Variants in SRPK2 observed in about 807,000 individuals in gnomAD.
SRPK2 encodes SRSF protein kinase 2, also known as SFRS protein kinase 2.
A neutral mutation model predicts 90.8 loss-of-function variants in SRPK2; 21 were observed. The ratio of observed to expected loss-of-function variants is 0.23; its 90% confidence interval spans 0.16 to 0.33. The LOEUF (loss-of-function observed/expected upper bound fraction) is 0.33, where lower values mean the gene tolerates loss of function less well. Ranked by LOEUF, SRPK2 falls within the 10% of genes least tolerant of loss-of-function variation. The pLI is 1.00. For synonymous variants in SRPK2, 288 were observed against 311.1 expected (o/e 0.93, Z 0.78); for missense variants, 620 against 869.0 (o/e 0.71, Z 3.60).
intron 3 of SRPK2, among the ~76,000 whole-genome samples, chr7:105,196,791 T>C (rs1794967957): frequency 6.6e-6 from 1 of 152,198 alleles, no homozygotes; most frequent in South Asian, 2.1e-4. Context: ...GGCTCACACC[T>C]GTAATCCCTG....
intron 3 of SRPK2, among the ~76,000 whole-genome samples, chr7:105,198,916 T>C (rs184453570): frequency 4.5e-4 from 68 of 152,318 alleles, no homozygotes; most frequent in Non-Finnish European, 7.4e-4. Flanking sequence ...CAGTCAATAA[T>C]GCCATAATCC....
downstream of SRPK2, chr7:105,115,340 T>C (rs1011177719): frequency 6.6e-6 from 1 of 152,200 alleles, no homozygotes; most frequent in African/African-American, 2.4e-5. Flanking sequence ...AGTTAGTAAA[T>C]CGGTTTTCAC....
chr7:105,384,671 C>A (rs1022893485), intron 2 of SRPK2, among the ~76,000 whole-genome samples: 5 of 152,126 alleles, frequency 3.3e-5, no homozygotes, highest in Non-Finnish European at 7.4e-5. Context: ...GAATTCTGAT[C>A]CAAACGAAGC....
chr7:105,245,861 G>A (rs139369514), intron 2 of SRPK2, among the ~76,000 whole-genome samples: 2 of 152,116 alleles, frequency 1.3e-5, no homozygotes, highest in Non-Finnish European at 2.9e-5. Flanking sequence ...CACAACTACA[G>A]GCACACATCA....
At chr7:105,321,174 A>G (rs1484670331) in intron 2 of SRPK2, among the ~76,000 whole-genome samples, 1 of 152,146 alleles carries the variant, frequency 6.6e-6, no homozygotes, top group Non-Finnish European at 1.5e-5. Flanking sequence ...AAACAGATAT[A>G]CACATGCACA....
At chr7:105,285,389 A>C (rs1396067361) in intron 2 of SRPK2, among the ~76,000 whole-genome samples, 2 of 28,064 alleles carry the variant, frequency 7.1e-5, no homozygotes, top group Admixed American at 7.5e-4. Flanking sequence ...CGTCTCCAAA[A>C]AAAAAAAAAA....
intron 15 of SRPK2, among the ~76,000 whole-genome samples, chr7:105,118,800 A>G (rs1009003259): frequency 6.6e-6 from 1 of 151,824 alleles, no homozygotes; most frequent in Non-Finnish European, 1.5e-5. Flanking sequence ...CATCCCAGCT[A>G]CTCAGGAGGC....
intron 2 of SRPK2, among the ~76,000 whole-genome samples, chr7:105,298,443 G>A (rs549651249): frequency 2.3e-4 from 35 of 152,264 alleles, no homozygotes; most frequent in African/African-American, 7.9e-4. Flanking sequence ...GCTGCTACAA[G>A]CAGTTACATA....
chr7:105,368,642 A>C (rs1819348752), intron 2 of SRPK2, among the ~76,000 whole-genome samples: 2 of 152,036 alleles, frequency 1.3e-5, no homozygotes, highest in Admixed American at 1.3e-4. Context: ...CCCAGCACTT[A>C]AGGAGGCCAG....
chr7:105,240,142 T>C (rs947762525), intron 2 of SRPK2, among the ~76,000 whole-genome samples: 7 of 152,168 alleles, frequency 4.6e-5, no homozygotes, highest in Admixed American at 1.3e-4. Flanking sequence ...GACAGACTGA[T>C]TCTGGTGAGG....
At chr7:105,252,747 CTTTT>C (rs140386836) in intron 2 of SRPK2, among the ~76,000 whole-genome samples, 1 of 130,082 alleles carries the variant, frequency 7.7e-6, no homozygotes. Flanking sequence ...TTTTTTTTTT[CTTTT>C]TTTTTTTTTG....
intron 2 of SRPK2, among the ~76,000 whole-genome samples, chr7:105,266,580 C>A (rs1359993467): frequency 6.6e-6 from 1 of 152,056 alleles, no homozygotes; most frequent in African/African-American, 2.4e-5. Context: ...CAGATGGGAA[C>A]ACTGACTATA....
intron 13 of SRPK2, among the ~76,000 whole-genome samples, chr7:105,132,216 A>G (rs6961401): frequency 0.99 from 150,866 of 152,386 alleles, 74,682 homozygotes; most frequent in East Asian, 1. Context: ...GTTTCAGAAG[A>G]GGCTAGACAT....
chr7:105,158,803 TTTTTTTGTG>T (rs1018739531), intron 7 of SRPK2, among the ~76,000 whole-genome samples: 17 of 150,596 alleles, frequency 1.1e-4, no homozygotes, highest in African/African-American at 3.4e-4. Context: ...TTTTTTTGTG[TTTTTTTGTG>T]TTTTTTTTTT....
chr7:105,257,169 C>T (rs1803440898), intron 2 of SRPK2, among the ~76,000 whole-genome samples: 1 of 152,134 alleles, frequency 6.6e-6, no homozygotes, highest in Non-Finnish European at 1.5e-5. Context: ...GTGGCTAGTG[C>T]ATAGCAGCTG....
intron 7 of SRPK2, among the ~76,000 whole-genome samples, chr7:105,158,045 A>T (rs1806792426): frequency 6.6e-6 from 1 of 152,218 alleles, no homozygotes; most frequent in Non-Finnish European, 1.5e-5. Context: ...AGCCTGGGTA[A>T]CAGAGGAAGA....
upstream of SRPK2, among the ~76,000 whole-genome samples, chr7:105,392,189 T>TG (rs1350790219): frequency 6.6e-6 from 1 of 152,064 alleles, no homozygotes; most frequent in African/African-American, 2.4e-5. Context: ...TGCCAGGAGT[T>TG]GGGGGGTGGG....
In SRPK2 at chr7:105,370,908, G is replaced by A. The variant is rs117947797; in HGVS notation, c.71+17740C>T. Among the ~76,000 whole-genome samples, 424 of 152,020 alleles carry A rather than the reference G, an allele frequency of 2.8e-3. 6 individuals carry two copies. In the East Asian group the frequency reaches 0.041, roughly 15 times the overall value. On this transcript the variant is annotated intron_variant, in intron 2 of 15. Transcript: ENST00000393651. The stretch of plus-strand genomic sequence containing the variant: ...TAGGATTACAGGCATGATCTACTGC[G>A]CCCGGCCGGATTATTAATTTTAAAC...
intron 8 of SRPK2, 67 bp from the exon 9 acceptor site, chr7:105,145,375 C>G: frequency 8.4e-7 from 1 of 1,187,824 alleles, no homozygotes; most frequent in Non-Finnish European, 1.2e-6. Context: ...GTAGGTCATT[C>G]GAATTGCAAA....
Sources: allele counts gnomAD v4.1 joint callset (sites outside exome capture counted in the v4.1 genomes callset), GRCh38; gene constraint gnomAD v4.1.1; transcripts MANE v1.5; gene names NCBI Gene and HGNC (gene_info 2026-07-23, HGNC 2026-07-21).